ZMYND8: variants seen among roughly 807,000 people sequenced by gnomAD.
ZMYND8 encodes MYND-type zinc finger-containing chromatin reader ZMYND8.
ZMYND8 carries 37 observed loss-of-function variants against 140.8 expected under a neutral mutation model. That is an observed-to-expected ratio of 0.26 (90% CI 0.20 to 0.35). The LOEUF is 0.35. Among genes scored for constraint, ZMYND8 ranks in the 10% least tolerant of loss-of-function variants. ZMYND8 has a pLI of 1.00. For synonymous variants in ZMYND8, 592 were observed against 597.1 expected, an observed-to-expected ratio of 0.99 and a Z score of 0.12; for missense variants, 1,068 against 1,570.0, an observed-to-expected ratio of 0.68 and a Z score of 5.40.
intron 12 of ZMYND8, among the ~76,000 whole-genome samples, chr20:47,254,594 G>A (rs1040801559): frequency 1.6e-4 from 24 of 152,284 alleles, no homozygotes; most frequent in African/African-American, 5.3e-4. Flanking sequence ...GCAAAGACTG[G>A]TGGAGCACCT....
At position 47,238,576 on chromosome 20, in the gene ZMYND8, AAAGC is replaced by A. The variant is rs71984020; in HGVS notation, c.2665+178_2665+181del. ...ACAAAAAAAACTTTTTGAAAGTAAA[AAAGC>A]AAGTAGCAAAACAATTTTTAAAAAT... On this transcript the variant is annotated intron_variant, in intron 15 of 22. Coordinates refer to ENST00000471951, the MANE Select transcript of ZMYND8 (RefSeq NM_001281775.3). 10,953 of 1,211,768 alleles carry A rather than the reference AAAGC, an allele frequency of 9.0e-3. 214 individuals are homozygous for A. The highest frequency in any genetic ancestry group is 0.054 in the African/African-American group (3,532 of 64,912). 75.1% of individuals were successfully genotyped at this position (1,211,768 alleles called of 1,614,324 possible).
chr20:47,263,439 TCA>T (rs147689428), intron 11 of ZMYND8, among the ~76,000 whole-genome samples: 17,034 of 152,264 alleles, frequency 0.11, 1,076 homozygotes, highest in South Asian at 0.27. Context: ...AGCACTTGCC[TCA>T]GTTTCCTCAC....
At chr20:47,213,318 C>T (rs942988031) in intron 21 of ZMYND8, among the ~76,000 whole-genome samples, 11 of 152,034 alleles carry the variant, frequency 7.2e-5, no homozygotes, top group Admixed American at 4.6e-4. Context: ...AAGGAGTCTC[C>T]GTAAACAGCT....
At chr20:47,217,600 A>T (rs1357138281) in intron 21 of ZMYND8, among the ~76,000 whole-genome samples, 4 of 140,882 alleles carry the variant, frequency 2.8e-5, no homozygotes, top group African/African-American at 5.1e-5. Flanking sequence ...CTTTCAAAGC[A>T]TGAGTCTGGA....
chr20:47,333,748 A>AAAAC (rs1282447843), intron 2 of ZMYND8, among the ~76,000 whole-genome samples: 5 of 141,958 alleles, frequency 3.5e-5, no homozygotes, highest in African/African-American at 1.3e-4. Flanking sequence ...AAAAAAAAAA[A>AAAAC]AAAAAAAACA....
Position 47,298,181 on chromosome 20 carries a change from T to TG in ZMYND8, c.453+547dup. On this transcript the variant is annotated intron_variant, in intron 4 of 22. Coordinates refer to ENST00000471951, the MANE Select transcript of ZMYND8 (RefSeq NM_001281775.3). The surrounding 1 kb of genome is among the most constrained non-coding windows in gnomAD (Gnocchi z 5.0). Reference sequence around the variant, plus strand: ...TATTTTGGTTTTTGTCCTTTTCTGCTGGAAAAAAAAAAATGATCCATGCCT... The same window carrying TG: ...TATTTTGGTTTTTGTCCTTTTCTGCTGGGAAAAAAAAAAATGATCCATGCCT... 1.2e-6 allele frequency: 1 copy of TG among 814,960 alleles called. No individual in the cohort carries two copies. Among genetic ancestry groups the TG allele is most frequent in the African/African-American group, 1.9e-5 (1 of 53,682 alleles). 50.5% of individuals were successfully genotyped at this position (814,960 alleles called of 1,614,324 possible).
intron 21 of ZMYND8, among the ~76,000 whole-genome samples, chr20:47,218,021 C>T (rs542299379): frequency 2.0e-5 from 3 of 152,158 alleles, no homozygotes; most frequent in East Asian, 1.9e-4. Context: ...ACAAGGCACA[C>T]GTTTGTTTAC....
At chr20:47,320,699 G>C (rs999807177) in intron 2 of ZMYND8, 1 of 152,216 alleles carries the variant, frequency 6.6e-6, no homozygotes, top group Non-Finnish European at 1.5e-5. Flanking sequence ...ACTCCAGCCG[G>C]GGTGACAGAG....
rs964721426 is a variant in ZMYND8 at position 47,355,470 on chromosome 20, C to T, written c.14+1187G>A. ...CTTACCCAACAAATGTTCAAGCAAC[C>T]GTCTCATTTTTCCACAGTTAGGAAG... On this transcript the variant is annotated intron_variant, in intron 1 of 22. Coordinates refer to ENST00000471951, the MANE Select transcript of ZMYND8 (RefSeq NM_001281775.3). 2.0e-5 allele frequency: 20 copies of T among 985,260 alleles called. No individual in the cohort carries two copies. The East Asian group carries it at 3.4e-4, about 17-fold the overall frequency. The allele number at this position is 985,260 out of a possible 1,614,324, so 61.0% of individuals were successfully genotyped here.
At chr20:47,289,682 A>T (rs1319788689) in intron 7 of ZMYND8, among the ~76,000 whole-genome samples, 2 of 152,178 alleles carry the variant, frequency 1.3e-5, no homozygotes, top group African/African-American at 4.8e-5. Context: ...TCCTCAAAAT[A>T]TTACACTGCA....
intron 2 of ZMYND8, among the ~76,000 whole-genome samples, chr20:47,321,284 G>A (rs922228999): frequency 2.6e-5 from 4 of 152,164 alleles, no homozygotes; most frequent in Non-Finnish European, 5.9e-5. Context: ...ACACTTTTAC[G>A]GGGCTCAGGT....
intron 16 of ZMYND8, among the ~76,000 whole-genome samples, chr20:47,235,827 G>A (rs996116441): frequency 1.3e-5 from 2 of 152,186 alleles, no homozygotes; most frequent in African/African-American, 2.4e-5. Flanking sequence ...AATGGGGACT[G>A]TGCCCCAGAG....
intron 10 of ZMYND8, among the ~76,000 whole-genome samples, chr20:47,279,177 A>G (rs1569079888): frequency 6.6e-6 from 1 of 152,072 alleles, no homozygotes; most frequent in Non-Finnish European, 1.5e-5. Flanking sequence ...TTTTCTTTCA[A>G]ACAAGTCCAA....
At chr20:47,255,561 AGTGTGTGTGTGTGTGTGTGT>A (rs141205253) in intron 12 of ZMYND8, among the ~76,000 whole-genome samples, 3 of 120,062 alleles carry the variant, frequency 2.5e-5, no homozygotes, top group South Asian at 2.8e-4. Flanking sequence ...ACATATACTC[AGTGTGTGTGTGTGTGTGTGT>A]GTGTGTGTGT....
chr20:47,333,120 G>C (rs1384892949), intron 2 of ZMYND8, among the ~76,000 whole-genome samples: 2 of 152,122 alleles, frequency 1.3e-5, no homozygotes, highest in Non-Finnish European at 2.9e-5. Flanking sequence ...ACTAAGGCCA[G>C]AGGATCACTT....
intron 3 of ZMYND8, among the ~76,000 whole-genome samples, chr20:47,307,540 G>A (rs1285040793): frequency 2.6e-5 from 4 of 152,058 alleles, no homozygotes; most frequent in Non-Finnish European, 5.9e-5. Flanking sequence ...TAACTTGAGT[G>A]TCCAGCTTGA....
At position 47,221,488 on chromosome 20, in the gene ZMYND8, A is replaced by G; in HGVS notation, c.3257-14T>C. 6.2e-7 allele frequency: 1 copy of G among 1,606,402 alleles called. No homozygotes were observed. The highest frequency in any genetic ancestry group is 8.5e-7 in the Non-Finnish European group (1 of 1,176,276). ...GAGGAGCAGTAGCTGGGGACAAAGG[A>G]GAGAGAGAGACGCCACATATACACA... is the stretch of plus-strand genomic sequence containing the variant. On this transcript the variant is annotated splice_polypyrimidine_tract_variant and intron_variant, in intron 19 of 22. Transcript: ENST00000471951.
intron 2 of ZMYND8, among the ~76,000 whole-genome samples, chr20:47,329,797 C>A (rs1178170855): frequency 1.3e-5 from 2 of 152,154 alleles, no homozygotes; most frequent in Non-Finnish European, 2.9e-5. Context: ...AAGAAGCATG[C>A]CTGGCAAGCA....
intron 14 of ZMYND8, among the ~76,000 whole-genome samples, 176 bp downstream of exon 14, chr20:47,245,832 A>T (rs1333840882): frequency 6.6e-6 from 1 of 152,226 alleles, no homozygotes; most frequent in African/African-American, 2.4e-5. Flanking sequence ...CTGTTCTATG[A>T]CTAGCTAGGC....
Sources: allele counts gnomAD v4.1 joint callset (sites outside exome capture counted in the v4.1 genomes callset), GRCh38; gene constraint gnomAD v4.1.1; non-coding constraint Gnocchi (gnomAD v3.1); transcripts MANE v1.5; gene names NCBI Gene and HGNC (gene_info 2026-07-23, HGNC 2026-07-21).